GNG12: variants seen among roughly 807,000 people sequenced by gnomAD.
GNG12 encodes G protein subunit gamma 12.
For missense variants in GNG12, 69 were observed against 83.8 expected, an observed-to-expected ratio of 0.82 and a Z score of 0.69; for synonymous variants, 28 against 29.7, an observed-to-expected ratio of 0.94 and a Z score of 0.19.
At chr1:67,821,784 TTAGTGGCACATAGAA>T (rs1216154156) in intron 1 of GNG12, among the ~76,000 whole-genome samples, 52 of 150,600 alleles carry the variant, frequency 3.5e-4, no homozygotes, top group Middle Eastern at 3.4e-3. Flanking sequence ...TTTTTTTTTC[TTAGTGGCACATAGAA>T]TAGTGGCACA....
intron 2 of GNG12, among the ~76,000 whole-genome samples, chr1:67,716,579 CAG>C (rs1250180397): frequency 6.6e-6 from 1 of 152,164 alleles, no homozygotes; most frequent in Non-Finnish European, 1.5e-5. Context: ...ATTTACATGG[CAG>C]AGACTCAGGG....
At position 67,709,904 on chromosome 1, in the gene GNG12, T is replaced by A. The variant is rs1354063352; in HGVS notation, c.-26-2192A>T. Among the ~76,000 whole-genome samples the A allele has an allele frequency of 1.8e-4, 12 of 66,658 alleles. 1 individual carries two copies. Among genetic ancestry groups the A allele is most frequent in the East Asian group, 1.4e-3 (4 of 2,808 alleles). 43.7% of individuals were successfully genotyped at this position (66,658 alleles called of 152,430 possible). A position where few individuals can be genotyped will look rare whatever the true frequency, so the allele number is the denominator to read the frequency against. ...TATATATATAGTTATATATATATTTTTATATAGTTATATATATAGTTATAT... is the reference window on the plus strand; with the variant it reads ...TATATATATAGTTATATATATATTTATATATAGTTATATATATAGTTATAT... On this transcript the variant is annotated intron_variant, in intron 2 of 3. Coordinates refer to ENST00000370982, the MANE Select transcript of GNG12 (RefSeq NM_018841.6).
chr1:67,822,338 T>TC (rs534449767), intron 1 of GNG12, among the ~76,000 whole-genome samples: 110 of 151,916 alleles, frequency 7.2e-4, no homozygotes, highest in African/African-American at 2.5e-3. Flanking sequence ...TGACATGACC[T>TC]CCTTCAGGCC....
At chr1:67,779,626 A>G (rs1297424204) in intron 1 of GNG12, among the ~76,000 whole-genome samples, 2 of 152,208 alleles carry the variant, frequency 1.3e-5, no homozygotes, top group Non-Finnish European at 2.9e-5. Flanking sequence ...ACCTCTGGGA[A>G]GCCTGTGTGA....
At chr1:67,792,669 T>G (rs1045008315) in intron 1 of GNG12, among the ~76,000 whole-genome samples, 4 of 152,140 alleles carry the variant, frequency 2.6e-5, no homozygotes, top group African/African-American at 9.7e-5. Flanking sequence ...TTTTCTCCCC[T>G]CCAGTTGTAT....
At chr1:67,799,811 G>C (rs1646853753) in intron 1 of GNG12, among the ~76,000 whole-genome samples, 1 of 152,148 alleles carries the variant, frequency 6.6e-6, no homozygotes, top group Non-Finnish European at 1.5e-5. Flanking sequence ...AGAAATTTTA[G>C]TGAAAATTGT....
chr1:67,827,693 G>C (rs1027866370), intron 1 of GNG12, among the ~76,000 whole-genome samples: 4 of 132,792 alleles, frequency 3.0e-5, no homozygotes, highest in African/African-American at 1.2e-4. Context: ...CCAAAGTGCT[G>C]GGATTACAGG....
chr1:67,812,357 T>C (rs1646931008), intron 1 of GNG12, among the ~76,000 whole-genome samples: 3 of 152,086 alleles, frequency 2.0e-5, no homozygotes, highest in Admixed American at 1.3e-4. Context: ...TGAGAGAGGG[T>C]AGAACGGGTG....
At chr1:67,784,373 G>C (rs957474641) in intron 1 of GNG12, among the ~76,000 whole-genome samples, 2 of 149,716 alleles carry the variant, frequency 1.3e-5, no homozygotes, top group African/African-American at 4.9e-5. Flanking sequence ...GCTAGATGAC[G>C]AGTTAGTGGG....
In GNG12 at chr1:67,766,106, G is replaced by GCACACACACACACACACA. The variant is rs59348663; in HGVS notation, c.-27+11334_-27+11351dup. 1.0e-3 allele frequency among the ~76,000 whole-genome samples: 141 copies of GCACACACACACACACACA among 139,920 alleles called. 2 individuals are homozygous for GCACACACACACACACACA. Among genetic ancestry groups the GCACACACACACACACACA allele is most frequent in the African/African-American group, 3.6e-3 (131 of 36,840 alleles). The allele number at this position is 139,920 out of a possible 152,430, so 91.8% of individuals were successfully genotyped here. ...AACTCAAACAAAACAAGGCACACAC[G>GCACACACACACACACACA]CACACACACACACACACACACACAC... On this transcript the variant is annotated intron_variant, in intron 2 of 3. Transcript: ENST00000370982.
chr1:67,818,222 CA>C (rs1460463934), intron 1 of GNG12, among the ~76,000 whole-genome samples: 2 of 152,152 alleles, frequency 1.3e-5, no homozygotes, highest in Non-Finnish European at 1.5e-5. Flanking sequence ...CTTATGTCCC[CA>C]GAGTCTTGTA....
intron 2 of GNG12, among the ~76,000 whole-genome samples, chr1:67,758,382 T>C (rs960117792): frequency 6.6e-6 from 1 of 152,232 alleles, no homozygotes; most frequent in African/African-American, 2.4e-5. Flanking sequence ...TGGGTCCTGC[T>C]ATCCCTCCTC....
At chr1:67,753,563 C>T (rs1336995695) in intron 2 of GNG12, among the ~76,000 whole-genome samples, 1 of 152,152 alleles carries the variant, frequency 6.6e-6, no homozygotes, top group Non-Finnish European at 1.5e-5. Context: ...AGCCCCGATA[C>T]CTTCCATGAA....
chr1:67,764,587 A>G (rs1414907612), intron 2 of GNG12, among the ~76,000 whole-genome samples: 3 of 152,358 alleles, frequency 2.0e-5, no homozygotes, highest in South Asian at 4.1e-4. Flanking sequence ...GGGACCATTA[A>G]TGAATGAGAC....
intron 2 of GNG12, among the ~76,000 whole-genome samples, chr1:67,744,238 A>C (rs1449433888): frequency 1.3e-5 from 2 of 152,234 alleles, no homozygotes; most frequent in Non-Finnish European, 2.9e-5. Context: ...CTAGCAAGTC[A>C]TAGAGCTGGG....
chr1:67,821,343 A>G (rs1166092151), intron 1 of GNG12, among the ~76,000 whole-genome samples: 3 of 152,048 alleles, frequency 2.0e-5, no homozygotes, highest in Non-Finnish European at 4.4e-5. Context: ...AAAAACAAAA[A>G]AAAACATCAG....
At chr1:67,709,827 AATATATATATATTTGTATATATATTT>A (rs1646271113) in intron 2 of GNG12, among the ~76,000 whole-genome samples, 2 of 124,882 alleles carry the variant, frequency 1.6e-5, no homozygotes, top group Non-Finnish European at 3.2e-5. Context: ...TATATATATA[AATATATATATATTTGTATATATATTT>A]ATATATATAT....
chr1:67,767,586 T>C (rs1646648648), intron 2 of GNG12, among the ~76,000 whole-genome samples: 1 of 152,246 alleles, frequency 6.6e-6, no homozygotes, highest in African/African-American at 2.4e-5. Flanking sequence ...AGGTGCCAAC[T>C]ATACTAGTCT....
At chr1:67,811,240 C>G (rs980677045) in intron 1 of GNG12, among the ~76,000 whole-genome samples, 3 of 152,152 alleles carry the variant, frequency 2.0e-5, no homozygotes, top group African/African-American at 4.8e-5. Context: ...GGAACACATA[C>G]AGTTGAACTG....
Sources: gnomAD v4.1 joint callset for allele counts (sites outside exome capture counted in the v4.1 genomes callset) on GRCh38, gnomAD v4.1.1 for gene constraint, MANE v1.5 for transcripts, NCBI Gene and HGNC (gene_info 2026-07-23, HGNC 2026-07-21) for gene names.